EFCAB8: variants seen among roughly 807,000 people sequenced by gnomAD.
The protein encoded by EFCAB8 is EF-hand calcium binding domain 8, also known as EF-hand calcium-binding domain-containing protein 8.
A neutral mutation model predicts 116.3 loss-of-function variants in EFCAB8; 100 were observed. That is an observed-to-expected ratio of 0.86 (90% CI 0.73 to 1.02). EFCAB8 has a LOEUF of 1.02. Among genes scored for constraint, EFCAB8 ranks in the 50% least tolerant of loss-of-function variants. EFCAB8 has a pLI of 0.00. For missense variants in EFCAB8, 1,320 were observed against 1,416.9 expected (o/e 0.93, Z 1.10); for synonymous variants, 558 against 567.9 (o/e 0.98, Z 0.25).
At chr20:32,894,091 C>T (rs34703125) in intron 9 of EFCAB8, among the ~76,000 whole-genome samples, 5,106 of 152,298 alleles carry the variant, frequency 0.034, 128 homozygotes, top group Non-Finnish European at 0.051. Flanking sequence ...CTCAGGGCCG[C>T]CTAGGGAACT....
At chr20:32,894,413 A>C (rs148915773) in intron 9 of EFCAB8, among the ~76,000 whole-genome samples, 1 of 152,334 alleles carries the variant, frequency 6.6e-6, no homozygotes, top group Non-Finnish European at 1.5e-5. Context: ...TGAGCTGCCC[A>C]CTTAGCTGCT....
chr20:32,888,310 C>T (rs1394507108), intron 6 of EFCAB8, among the ~76,000 whole-genome samples: 2 of 152,168 alleles, frequency 1.3e-5, no homozygotes, highest in Non-Finnish European at 2.9e-5. Flanking sequence ...ACTGCAGCCT[C>T]TGCCTCCCGG....
chr20:32,899,505 T>C (rs762228084), intron 11 of EFCAB8, among the ~76,000 whole-genome samples: 2 of 152,176 alleles, frequency 1.3e-5, no homozygotes, highest in Admixed American at 1.3e-4. Context: ...GTTGGAGTCC[T>C]GAGGGGCCCC....
At chr20:32,929,146 T>C (rs2146271742) in intron 20 of EFCAB8, among the ~76,000 whole-genome samples, 1 of 152,184 alleles carries the variant, frequency 6.6e-6, no homozygotes, top group African/African-American at 2.4e-5. Context: ...GTCTTTTTTT[T>C]TTTCTTATAA....
intron 5 of EFCAB8, 62 bp from the exon 6 acceptor site, chr20:32,885,443 C>A: frequency 6.5e-7 from 1 of 1,541,306 alleles, no homozygotes; most frequent in Non-Finnish European, 8.8e-7. Context: ...TGTTCTGCCG[C>A]AGGTGCCCCC....
chr20:32,870,158 G>C (rs1003035625), intron 3 of EFCAB8, among the ~76,000 whole-genome samples: 1 of 152,212 alleles, frequency 6.6e-6, no homozygotes. Context: ...TTACGAACGA[G>C]TAAAGTGAGA....
At chr20:32,931,113 C>A in intron 21 of EFCAB8, 65 bp from the exon 22 acceptor site, 1 of 1,357,946 alleles carries the variant, frequency 7.4e-7, no homozygotes, top group Non-Finnish European at 9.9e-7. Flanking sequence ...CTGGGAGGAG[C>A]CCGCAGAGTG....
chr20:32,929,105 T>A (rs1987784747), intron 20 of EFCAB8, among the ~76,000 whole-genome samples: 1 of 152,090 alleles, frequency 6.6e-6, no homozygotes, highest in African/African-American at 2.4e-5. Context: ...AATTTTTAAA[T>A]ATCAGTGTTC....
At chr20:32,868,428 C>A (rs867749519) in intron 3 of EFCAB8, among the ~76,000 whole-genome samples, 2 of 152,184 alleles carry the variant, frequency 1.3e-5, no homozygotes, top group African/African-American at 4.8e-5. Flanking sequence ...GTATTGCAAG[C>A]ATATTGGAGG....
chr20:32,884,950 A>T (rs1223300187), intron 5 of EFCAB8, among the ~76,000 whole-genome samples: 1 of 152,246 alleles, frequency 6.6e-6, no homozygotes, highest in Non-Finnish European at 1.5e-5. Context: ...GCCTCCTGCG[A>T]GGCCAGGCCT....
chr20:32,914,931 C>T (rs549226419), intron 17 of EFCAB8, among the ~76,000 whole-genome samples: 1 of 151,946 alleles, frequency 6.6e-6, no homozygotes, highest in Non-Finnish European at 1.5e-5. Context: ...TGGGATCTCA[C>T]TCTGTCACCC....
intron 1 of EFCAB8, 36 bp from the exon 2 acceptor site, chr20:32,863,747 G>A (rs182753731): frequency 1.0e-5 from 16 of 1,544,718 alleles, no homozygotes; most frequent in African/African-American, 9.6e-5. Flanking sequence ...TCCTTACAAC[G>A]ACTGGAGTTA....
At chr20:32,894,390 G>A (rs978983307) in intron 9 of EFCAB8, among the ~76,000 whole-genome samples, 2 of 152,248 alleles carry the variant, frequency 1.3e-5, no homozygotes, top group African/African-American at 4.8e-5. Flanking sequence ...GGCCTCGGGT[G>A]CCTGCCCTGC....
rs531389864 is a variant in EFCAB8, at chr20:32,890,330, A to G, written c.673+924A>G. ...CTGCTTTTCTTTTGGCTCTCATCTC[A>G]GAAGTTACTTCCTCCAGGAAGCCCT... On this transcript the variant is annotated intron_variant, in intron 7 of 26. Transcript: ENST00000400522. Among the ~76,000 whole-genome samples, 8 of 152,196 alleles carry G rather than the reference A, an allele frequency of 5.3e-5. No individual in the cohort carries two copies. In the South Asian group the frequency reaches 1.5e-3, roughly 28 times the overall value.
intron 23 of EFCAB8, among the ~76,000 whole-genome samples, chr20:32,953,439 C>A (rs1029833899): frequency 6.6e-6 from 1 of 152,194 alleles, no homozygotes; most frequent in African/African-American, 2.4e-5. Context: ...TTTATAATCC[C>A]ACCAAACATG....
At chr20:32,880,695 G>T (rs1464263799) in intron 5 of EFCAB8, among the ~76,000 whole-genome samples, 1 of 152,134 alleles carries the variant, frequency 6.6e-6, no homozygotes, top group Non-Finnish European at 1.5e-5. Context: ...TATTACAAAG[G>T]ATACAGATGA....
intron 14 of EFCAB8, 24 bp downstream of exon 14, chr20:32,908,436 T>G: frequency 1.6e-6 from 2 of 1,249,622 alleles, no homozygotes; most frequent in African/African-American, 1.5e-5. Context: ...CAGGAGGGAG[T>G]GGGGTCAAGG....
intron 9 of EFCAB8, 81 bp from the exon 10 acceptor site, chr20:32,896,373 C>G: frequency 1.4e-6 from 1 of 692,168 alleles, no homozygotes; most frequent in East Asian, 2.7e-5. Flanking sequence ...TGCAAGCCAA[C>G]TCAAGACGTC....
At chr20:32,891,902 C>G (rs1163887946) in intron 7 of EFCAB8, among the ~76,000 whole-genome samples, 1 of 151,822 alleles carries the variant, frequency 6.6e-6, no homozygotes, top group Admixed American at 6.6e-5. Flanking sequence ...AATCACTGCT[C>G]ACTGCAGTCT....
Sources: gnomAD v4.1 joint callset for allele counts (sites outside exome capture counted in the v4.1 genomes callset) on GRCh38, gnomAD v4.1.1 for gene constraint, MANE v1.5 for transcripts, NCBI Gene and HGNC (gene_info 2026-07-23, HGNC 2026-07-21) for gene names.